LGI2: variants seen among roughly 807,000 people sequenced by gnomAD.
LGI2 encodes the protein leucine-rich repeat LGI family member 2.
A neutral mutation model predicts 52.0 loss-of-function variants in LGI2; 30 were observed. The ratio of observed to expected loss-of-function variants is 0.58; its 90% CI spans 0.43 to 0.78. The LOEUF (loss-of-function observed/expected upper bound fraction) is 0.78, where lower values mean the gene tolerates loss of function less well. LGI2 is among the 30% of genes least tolerant of loss of function. The probability of loss-of-function intolerance (pLI) is 0.00; values close to 1 mark genes in which losing one functional copy is unlikely to be tolerated. For missense variants in LGI2, 573 were observed against 692.5 expected, an observed-to-expected ratio of 0.83 and a Z score of 1.94; for synonymous variants, 270 against 271.8, an observed-to-expected ratio of 0.99 and a Z score of 0.06.
downstream of LGI2, among the ~76,000 whole-genome samples, chr4:24,997,393 T>C (rs566634324): frequency 3.3e-5 from 5 of 152,352 alleles, no homozygotes; most frequent in Admixed American, 1.3e-4. Context: ...GATTAGTCTC[T>C]GCTTTAATGA....
At chr4:25,023,612 T>C (rs1257094440) in intron 4 of LGI2, among the ~76,000 whole-genome samples, 1 of 152,210 alleles carries the variant, frequency 6.6e-6, no homozygotes, top group Non-Finnish European at 1.5e-5. Context: ...ATGTCCACAC[T>C]GTACCAGTCA....
At chr4:25,013,636 G>A (rs986040449) in intron 6 of LGI2, among the ~76,000 whole-genome samples, 1 of 152,184 alleles carries the variant, frequency 6.6e-6, no homozygotes, top group African/African-American at 2.4e-5. Context: ...TTTTTCACCT[G>A]TAAAATGAAG....
rs1250793871 is a variant in LGI2, at chr4:25,000,762, C to T, written c.*2689G>A. 3.9e-5 allele frequency: 6 copies of T among 152,270 alleles called. No homozygotes were observed. The highest frequency in any genetic ancestry group is 9.6e-5 in the African/African-American group (4 of 41,468). 9.4% of individuals were successfully genotyped at this position (152,270 alleles called of 1,614,324 possible). A position where few individuals can be genotyped will look rare whatever the true frequency, so the allele number is the denominator to read the frequency against. The stretch of plus-strand genomic sequence containing the variant: ...ACCCCCTCCTTCAAGCTGATCTCCA[C>T]TGGGGACGGTCCACATATTTCTCTG... On this transcript the variant is annotated 3_prime_UTR_variant, in exon 8 of 8. Coordinates refer to ENST00000382114, the MANE Select transcript of LGI2 (RefSeq NM_018176.4).
Position 25,028,515 on chromosome 4 carries a change from C to A in LGI2, c.261G>T (p.Leu87=). 1 of 1,613,210 alleles carries A rather than the reference C, an allele frequency of 6.2e-7. No homozygotes were observed. ...GAACTTCCCATACTCACAGCAGCTG[C>A]AGAGAAGGCAGATGGGAAAACATTC... is the stretch of plus-strand genomic sequence containing the variant. ...KDRMFSHLPS[L]QLLLLNSNSF... is the part of the protein sequence containing the mutation. The change falls in exon 2 of 8, where the codon CTG becomes CTT. Residue 87 remains leucine, a synonymous_variant. Coordinates refer to ENST00000382114, the MANE Select transcript of LGI2 (RefSeq NM_018176.4).
At chr4:25,010,286 GAAAAGAAAAGAA>G (rs1414356655) in intron 7 of LGI2, among the ~76,000 whole-genome samples, 2 of 151,814 alleles carry the variant, frequency 1.3e-5, no homozygotes, top group African/African-American at 2.4e-5. Context: ...TCTCAAAAAA[GAAAAGAAAAGAA>G]AAAAGAAAAG....
Position 25,024,280 on chromosome 4 carries a change from G to A in LGI2, c.413+540C>T, listed in dbSNP as rs139677168. 1.1e-3 allele frequency among the ~76,000 whole-genome samples: 165 copies of A among 152,294 alleles called. 1 individual carries two copies. The East Asian group carries it at 0.023, about 21-fold the overall frequency. ...TGTAATCCCAGCACTTTGGGAGGCC[G>A]AGGCAGGTGGATCACTTGAGATCAG... On this transcript the variant is annotated intron_variant, in intron 4 of 7. Transcript: ENST00000382114.
intron 4 of LGI2, among the ~76,000 whole-genome samples, chr4:25,019,648 C>G (rs1343244498): frequency 2.0e-5 from 3 of 152,144 alleles, no homozygotes; most frequent in African/African-American, 7.2e-5. Flanking sequence ...TGCTATTCCT[C>G]CAACAGGTGA....
At chr4:24,996,239 C>T (rs1261296047), downstream of LGI2, among the ~76,000 whole-genome samples, 2 of 152,108 alleles carry the variant, frequency 1.3e-5, no homozygotes, top group African/African-American at 2.4e-5. Flanking sequence ...CTGTGAATTC[C>T]CACCCTATGC....
chr4:25,030,041 G>A (rs1726277130), intron 1 of LGI2, among the ~76,000 whole-genome samples: 1 of 152,242 alleles, frequency 6.6e-6, no homozygotes, highest in South Asian at 2.1e-4. Flanking sequence ...CAGTCAGGTC[G>A]TGTTCAGCTG....
chr4:25,026,719 T>C (rs1726163539), intron 3 of LGI2, 149 bp downstream of exon 3: 2 of 653,264 alleles, frequency 3.1e-6, no homozygotes, highest in Non-Finnish European at 2.8e-6. Context: ...AAGTAAACTA[T>C]AAAAGGTCAG....
chr4:25,010,529 T>C (rs113719019), intron 7 of LGI2, among the ~76,000 whole-genome samples: 5,166 of 152,288 alleles, frequency 0.034, 289 homozygotes, highest in African/African-American at 0.12. Context: ...ACTCCCCATT[T>C]CCCAGATGAG....
At chr4:25,026,791 G>T in intron 3 of LGI2, 77 bp downstream of exon 3, 1 of 1,151,920 alleles carries the variant, frequency 8.7e-7, no homozygotes, top group South Asian at 1.2e-5. Flanking sequence ...CAGAGATGCT[G>T]TTCCAGCACA....
At chr4:25,020,717 C>T (rs1188303131) in intron 4 of LGI2, among the ~76,000 whole-genome samples, 2 of 152,152 alleles carry the variant, frequency 1.3e-5, no homozygotes, top group Admixed American at 6.6e-5. Flanking sequence ...AAGCTTGGAG[C>T]CCAAATATTC....
rs773202185 is a variant in LGI2 at position 25,028,578 on chromosome 4, C to G, written c.198G>C (p.Leu66=). ...CTGAAAACGTCCCATTTACCAGGCT[C>G]CTACGGGCAAAAGATGAACAAAAGT... ...PRIVPGDISS[L]SLVNGTFSEI... is the part of the protein sequence containing the mutation. Residue 66 remains leucine (L), a splice_region_variant and synonymous_variant, in exon 2 of 8, where the codon CTG becomes CTC. Transcript: ENST00000382114. 1.2e-6 allele frequency: 2 copies of G among 1,611,850 alleles called. No individual in the cohort carries two copies. Among genetic ancestry groups the G allele is most frequent in the East Asian group, 2.2e-5 (1 of 44,878 alleles).
chr4:25,021,342 T>C (rs773844652), intron 4 of LGI2, among the ~76,000 whole-genome samples: 1 of 152,224 alleles, frequency 6.6e-6, no homozygotes, highest in Non-Finnish European at 1.5e-5. Context: ...AGATTTTAGT[T>C]ACAGATTGGC....
intron 7 of LGI2, among the ~76,000 whole-genome samples, chr4:25,011,334 G>A (rs546311005): frequency 1.1e-4 from 17 of 152,224 alleles, no homozygotes; most frequent in East Asian, 7.7e-4. Context: ...TTCCAAGAGC[G>A]TTACTCTCCG....
downstream of LGI2, among the ~76,000 whole-genome samples, chr4:24,997,546 C>T (rs186683932): frequency 1.3e-5 from 2 of 152,300 alleles, no homozygotes; most frequent in Admixed American, 6.5e-5. Flanking sequence ...TTCTCCTGAC[C>T]TGACATAACC....
chr4:25,018,448 C>T (rs1725841170), intron 5 of LGI2, among the ~76,000 whole-genome samples: 1 of 152,196 alleles, frequency 6.6e-6, no homozygotes, highest in Non-Finnish European at 1.5e-5. Context: ...CCACGCCATG[C>T]CAGAAATGGG....
At chr4:25,007,310 T>G (rs2080214) in intron 7 of LGI2, among the ~76,000 whole-genome samples, 8 of 152,240 alleles carry the variant, frequency 5.3e-5, no homozygotes, top group African/African-American at 1.9e-4. Flanking sequence ...GGGGCAAATG[T>G]TGTGCACATT....
Sources: gnomAD v4.1 joint callset for allele counts (sites outside exome capture counted in the v4.1 genomes callset) on GRCh38, gnomAD v4.1.1 for gene constraint, MANE v1.5 for transcripts, NCBI Gene and HGNC (gene_info 2026-07-23, HGNC 2026-07-21) for gene names.